Variants in SFMBT1 observed in about 807,000 individuals in gnomAD.
The protein encoded by SFMBT1 is scm-like with four MBT domains protein 1.
Under a neutral mutation model 108.7 loss-of-function variants are expected in SFMBT1, and 32 were observed. That is an observed-to-expected ratio of 0.29 (90% CI 0.22 to 0.40). The LOEUF (loss-of-function observed/expected upper bound fraction) is 0.40. Ranked by LOEUF, SFMBT1 falls within the 10% of genes least tolerant of loss-of-function variation. The pLI, the probability that SFMBT1 is intolerant of heterozygous loss-of-function variation, is 1.00. For synonymous variants in SFMBT1, 348 were observed against 369.5 expected (o/e 0.94, Z 0.67); for missense variants, 816 against 1,059.6 (o/e 0.77, Z 3.19).
At chr3:52,930,801 C>T in intron 7 of SFMBT1, 140 bp downstream of exon 7, 1 of 660,120 alleles carries the variant, frequency 1.5e-6, no homozygotes, top group Non-Finnish European at 2.7e-6. Context: ...GATCATCAGT[C>T]CAGCCTTAAC....
intron 2 of SFMBT1, among the ~76,000 whole-genome samples, chr3:52,958,331 CTGTAA>C (rs1703849386): frequency 6.6e-6 from 1 of 152,202 alleles, no homozygotes; most frequent in Non-Finnish European, 1.5e-5. Flanking sequence ...TGGCTCATGC[CTGTAA>C]TCCCAGCACT....
chr3:52,919,772 C>T (rs1330223434), intron 12 of SFMBT1, among the ~76,000 whole-genome samples: 1 of 152,150 alleles, frequency 6.6e-6, no homozygotes, highest in Non-Finnish European at 1.5e-5. Context: ...CACATGGCAA[C>T]GAACTAAAGG....
At chr3:52,995,673 T>C (rs1698300584) in intron 1 of SFMBT1, among the ~76,000 whole-genome samples, 1 of 150,074 alleles carries the variant, frequency 6.7e-6, no homozygotes, top group African/African-American at 2.4e-5. Flanking sequence ...GTGCTGGGAT[T>C]ACAAGTGTGA....
At chr3:53,045,761 C>T (rs1011111307) in intron 1 of SFMBT1, 55 bp downstream of exon 1, 5 of 150,392 alleles carry the variant, frequency 3.3e-5, no homozygotes, top group African/African-American at 1.2e-4. Flanking sequence ...GGCGCCGCCG[C>T]CGCCCCTCCA....
intron 1 of SFMBT1, among the ~76,000 whole-genome samples, chr3:52,987,497 C>T (rs1297819499): frequency 1.3e-5 from 2 of 152,158 alleles, no homozygotes; most frequent in East Asian, 3.8e-4. Context: ...ATACAGGCCA[C>T]CATTGACTGA....
In SFMBT1 at chr3:52,918,536, GA is replaced by G. The variant is rs754581520; in HGVS notation, c.1373-11del. The G allele has an allele frequency of 6.7e-6, 10 of 1,492,682 alleles. No individual in the cohort carries two copies. The highest frequency in any genetic ancestry group is 1.4e-5 in the African/African-American group (1 of 69,574). 92.5% of individuals were successfully genotyped at this position (1,492,682 alleles called of 1,614,324 possible). A position where few individuals can be genotyped will look rare whatever the true frequency, so the allele number is the denominator to read the frequency against. On this transcript the variant is annotated splice_polypyrimidine_tract_variant and intron_variant, in intron 12 of 20. Transcript: ENST00000394752. ...TTCCTCTGTTTATATACTGTAGAAA[GA>G]AAAAAATATATAAATGCCAAGAAAA...
chr3:53,040,809 T>G (rs1003601507), intron 1 of SFMBT1, among the ~76,000 whole-genome samples: 7 of 151,538 alleles, frequency 4.6e-5, no homozygotes, highest in African/African-American at 1.7e-4. Context: ...ACTTTTTTTT[T>G]TGTTTTTATT....
At chr3:52,916,497 G>A (rs1012874816) in intron 13 of SFMBT1, among the ~76,000 whole-genome samples, 10 of 151,210 alleles carry the variant, frequency 6.6e-5, no homozygotes, top group Non-Finnish European at 1.0e-4. Context: ...GTGAAACCCC[G>A]TCTCTACTAA....
intron 2 of SFMBT1, 123 bp from the exon 3 acceptor site, chr3:52,954,534 A>T: frequency 2.7e-6 from 2 of 750,670 alleles, no homozygotes; most frequent in Non-Finnish European, 4.3e-6. Context: ...TGCACAAAAG[A>T]ATTAAGTGGG....
At chr3:52,918,781 G>A (rs747344364) in intron 12 of SFMBT1, among the ~76,000 whole-genome samples, 2 of 151,830 alleles carry the variant, frequency 1.3e-5, no homozygotes, top group Non-Finnish European at 2.9e-5. Context: ...TATTTTCAAG[G>A]CTCCCTGGGT....
At chr3:53,008,171 G>A (rs1239442689) in intron 1 of SFMBT1, among the ~76,000 whole-genome samples, 1 of 152,032 alleles carries the variant, frequency 6.6e-6, no homozygotes, top group Non-Finnish European at 1.5e-5. Context: ...GTATTTGATG[G>A]TAATATAATG....
chr3:52,910,978 A>C (rs780777556), intron 17 of SFMBT1, 25 bp downstream of exon 17: 1 of 1,611,758 alleles, frequency 6.2e-7, no homozygotes. Context: ...TGCTATGGTT[A>C]ACACATTGGA....
chr3:52,923,805 C>T (rs780857661), intron 10 of SFMBT1, among the ~76,000 whole-genome samples: 2 of 151,688 alleles, frequency 1.3e-5, no homozygotes, highest in Admixed American at 1.3e-4. Context: ...AGAGACAAAA[C>T]GGAAGGAAGG....
chr3:53,041,025 G>A (rs56215936), intron 1 of SFMBT1, among the ~76,000 whole-genome samples: 3,834 of 101,414 alleles, frequency 0.038, 204 homozygotes, highest in African/African-American at 0.13. Flanking sequence ...GCTTCCCTAT[G>A]TTGTCCAGGC....
intron 1 of SFMBT1, among the ~76,000 whole-genome samples, chr3:52,983,165 A>G (rs1401129894): frequency 6.6e-6 from 1 of 151,824 alleles, no homozygotes; most frequent in Non-Finnish European, 1.5e-5. Context: ...AGCAACACCA[A>G]CCTCTCCTCT....
chr3:53,043,717 A>G (rs1265236947), intron 1 of SFMBT1, among the ~76,000 whole-genome samples: 2 of 152,228 alleles, frequency 1.3e-5, no homozygotes, highest in Non-Finnish European at 2.9e-5. Flanking sequence ...CCCCACTGAA[A>G]AGTGACCTTC....
At chr3:52,994,629 A>G (rs931323437) in intron 1 of SFMBT1, among the ~76,000 whole-genome samples, 6 of 150,416 alleles carry the variant, frequency 4.0e-5, no homozygotes, top group Non-Finnish European at 7.4e-5. Context: ...CCTCCCAAGT[A>G]GCTGGGATTA....
chr3:52,989,789 T>C (rs1705057786), intron 1 of SFMBT1, among the ~76,000 whole-genome samples: 1 of 90,570 alleles, frequency 1.1e-5, no homozygotes, highest in Non-Finnish European at 2.9e-5. Context: ...CTAGACTCCA[T>C]CTCAAAAAAA....
At chr3:52,966,579 C>G (rs1704156566) in intron 2 of SFMBT1, among the ~76,000 whole-genome samples, 1 of 128,810 alleles carries the variant, frequency 7.8e-6, no homozygotes, top group Non-Finnish European at 1.6e-5. Flanking sequence ...GAGCCGAGAT[C>G]ACGCCACTGC....
Sources: allele counts gnomAD v4.1 joint callset (sites outside exome capture counted in the v4.1 genomes callset), GRCh38; gene constraint gnomAD v4.1.1; transcripts MANE v1.5; gene names NCBI Gene and HGNC (gene_info 2026-07-23, HGNC 2026-07-21).